The following TMEM178B variants were observed in gnomAD, a reference collection of about 807,000 sequenced individuals.
The protein encoded by TMEM178B is transmembrane protein 178B.
A neutral mutation model predicts 31.0 loss-of-function variants in TMEM178B; 5 were observed. The ratio of observed to expected loss-of-function variants is 0.16; its 90% confidence interval spans 0.08 to 0.34. The LOEUF is 0.34. Ranked by LOEUF, TMEM178B falls within the 10% of genes least tolerant of loss-of-function variation. The probability of loss-of-function intolerance (pLI) is 1.00; values close to 1 mark genes in which losing one functional copy is unlikely to be tolerated. For synonymous variants in TMEM178B, 164 were observed against 164.0 expected, an observed-to-expected ratio of 1.00 and a Z score of 0.00; for missense variants, 275 against 400.3, an observed-to-expected ratio of 0.69 and a Z score of 2.67.
chr7:141,366,435 C>G (rs1244381296), intron 2 of TMEM178B, among the ~76,000 whole-genome samples: 1 of 152,196 alleles, frequency 6.6e-6, no homozygotes, highest in East Asian at 1.9e-4. Flanking sequence ...ACTTGGTTGC[C>G]TGTTAGACCA....
At chr7:141,229,013 CTTTTTT>C (rs3035763) in intron 2 of TMEM178B, among the ~76,000 whole-genome samples, 2 of 80,552 alleles carry the variant, frequency 2.5e-5, no homozygotes, top group Non-Finnish European at 4.6e-5. Flanking sequence ...TCAGTACTAT[CTTTTTT>C]TTTTTTTTTT....
At chr7:141,376,486 T>G (rs1314415581) in intron 2 of TMEM178B, among the ~76,000 whole-genome samples, 1 of 152,210 alleles carries the variant, frequency 6.6e-6, no homozygotes, top group Non-Finnish European at 1.5e-5. Context: ...CAGCCTGATG[T>G]TATATGTCTT....
chr7:141,219,718 C>A (rs949491474), intron 2 of TMEM178B, among the ~76,000 whole-genome samples: 16 of 152,142 alleles, frequency 1.1e-4, no homozygotes, highest in Non-Finnish European at 2.4e-4. Flanking sequence ...ATTTATGCAC[C>A]AGGCCAGGCA....
chr7:141,386,581 A>T (rs1800434690), intron 2 of TMEM178B, among the ~76,000 whole-genome samples: 1 of 152,206 alleles, frequency 6.6e-6, no homozygotes, highest in Non-Finnish European at 1.5e-5. Flanking sequence ...TAGTGTATCC[A>T]TTACCTCAGG....
chr7:141,167,639 A>G (rs185674241), intron 1 of TMEM178B, among the ~76,000 whole-genome samples: 1 of 152,258 alleles, frequency 6.6e-6, no homozygotes, highest in East Asian at 1.9e-4. Flanking sequence ...CTTCCCTTCA[A>G]TCCCTTAAAA....
At chr7:141,159,544 A>G (rs1257019471) in intron 1 of TMEM178B, among the ~76,000 whole-genome samples, 3 of 152,228 alleles carry the variant, frequency 2.0e-5, no homozygotes, top group African/African-American at 7.2e-5. Context: ...AGGCGGAAGC[A>G]ACCCACGTGT....
intron 2 of TMEM178B, among the ~76,000 whole-genome samples, chr7:141,215,494 T>G (rs1419942838): frequency 6.6e-6 from 1 of 151,968 alleles, no homozygotes; most frequent in African/African-American, 2.4e-5. Flanking sequence ...CCCAGCTAAC[T>G]TCTGTATTTT....
intron 2 of TMEM178B, among the ~76,000 whole-genome samples, chr7:141,374,701 C>T (rs534356682): frequency 1.3e-5 from 2 of 152,342 alleles, no homozygotes; most frequent in East Asian, 1.9e-4. Flanking sequence ...CTTTCTCAAA[C>T]CTGCAACTTG....
In TMEM178B at chr7:141,074,290, G is replaced by C; in HGVS notation, c.-21G>C. Reference sequence around the variant, plus strand: ...GAGGCTGCGGCGGATCATGCCCATGGTGTAGCCGCCAAGCGGAGGCATGGC... The same window carrying C: ...GAGGCTGCGGCGGATCATGCCCATGCTGTAGCCGCCAAGCGGAGGCATGGC... On this transcript the variant is annotated 5_prime_UTR_variant, in exon 1 of 4. Coordinates refer to ENST00000565468, the MANE Select transcript of TMEM178B (RefSeq NM_001195278.2). The surrounding 1 kb of genome is among the most constrained non-coding windows in gnomAD (Gnocchi z 5.1). The C allele has an allele frequency of 6.6e-7, 1 of 1,505,780 alleles. No homozygotes were observed. The highest frequency in any genetic ancestry group is 8.9e-7 in the Non-Finnish European group (1 of 1,129,194). The allele number at this position is 1,505,780 out of a possible 1,614,324, so 93.3% of individuals were successfully genotyped here. A position where few individuals can be genotyped will look rare whatever the true frequency, so the allele number is the denominator to read the frequency against.
chr7:141,192,740 A>G (rs1490396010), intron 1 of TMEM178B, among the ~76,000 whole-genome samples: 2 of 152,196 alleles, frequency 1.3e-5, no homozygotes, highest in Admixed American at 6.5e-5. Context: ...TGCTGGGATT[A>G]CAGGCGTGAG....
At chr7:141,314,452 G>A (rs1311027709) in intron 2 of TMEM178B, among the ~76,000 whole-genome samples, 1 of 152,148 alleles carries the variant, frequency 6.6e-6, no homozygotes, top group African/African-American at 2.4e-5. Context: ...CATGTTTGTG[G>A]CCATGTGAGC....
chr7:141,500,173 C>G, the TMEM178B span, among the ~76,000 whole-genome samples: 4 of 152,072 alleles, frequency 2.6e-5, no homozygotes, highest in African/African-American at 9.7e-5. Context: ...ATTTATTGAC[C>G]ATCAATTATG....
At chr7:141,415,309 C>A (rs1230433631) in intron 2 of TMEM178B, 5 of 152,706 alleles carry the variant, frequency 3.3e-5, no homozygotes, top group Non-Finnish European at 7.3e-5. Flanking sequence ...GAAAGACAGA[C>A]TCTGGGGAGT....
intron 2 of TMEM178B, among the ~76,000 whole-genome samples, chr7:141,284,790 G>A (rs936864239): frequency 6.6e-6 from 1 of 152,136 alleles, no homozygotes; most frequent in African/African-American, 2.4e-5. Flanking sequence ...ACCGACCATT[G>A]GCCGTGAGGG....
At chr7:141,465,203 A>G (rs1345193757) in intron 3 of TMEM178B, among the ~76,000 whole-genome samples, 1 of 152,164 alleles carries the variant, frequency 6.6e-6, no homozygotes, top group Non-Finnish European at 1.5e-5. Flanking sequence ...TCTGAGTAGA[A>G]GCCCCCTCAT....
chr7:141,439,402 T>C (rs1801615520), intron 3 of TMEM178B, among the ~76,000 whole-genome samples: 1 of 152,006 alleles, frequency 6.6e-6, no homozygotes, highest in Admixed American at 6.6e-5. Context: ...CACTCCTCCT[T>C]CTGGTCTCCC....
rs952748760 is a variant in TMEM178B, at chr7:141,470,891, G to C, written c.*105G>C. The stretch of plus-strand genomic sequence containing the variant: ...AAGACGATGCCAGTGCCAAGGTAGA[G>C]TTGAGTTGGCTCAGGCACCTGCATC... On this transcript the variant is annotated 3_prime_UTR_variant, in exon 4 of 4. Coordinates refer to ENST00000565468, the MANE Select transcript of TMEM178B (RefSeq NM_001195278.2). The C allele has an allele frequency of 2.1e-5, 15 of 721,604 alleles. No homozygotes were observed. Among genetic ancestry groups the C allele is most frequent in the Non-Finnish European group, 2.6e-5 (15 of 573,666 alleles). 44.7% of individuals were successfully genotyped at this position (721,604 alleles called of 1,614,324 possible). A position where few individuals can be genotyped will look rare whatever the true frequency, so the allele number is the denominator to read the frequency against.
chr7:141,450,313 G>T (rs565193071), intron 3 of TMEM178B, among the ~76,000 whole-genome samples: 5 of 152,330 alleles, frequency 3.3e-5, no homozygotes, highest in African/African-American at 1.2e-4. Context: ...CATGAAGTGG[G>T]CAACCAGTTG....
In TMEM178B at chr7:141,467,359, T is replaced by G. The variant is rs149921590; in HGVS notation, c.635-3177T>G. 5.2e-3 allele frequency among the ~76,000 whole-genome samples: 796 copies of G among 152,200 alleles called. 1 individual carries two copies. Among genetic ancestry groups the G allele is most frequent in the Non-Finnish European group, 8.7e-3 (592 of 68,016 alleles). On this transcript the variant is annotated intron_variant, in intron 3 of 3. Coordinates refer to ENST00000565468, the MANE Select transcript of TMEM178B (RefSeq NM_001195278.2). ...CACACACATCACACACATGCACAAA[T>G]GCATCCACACACATGCACAAATACA...
Sources: allele counts gnomAD v4.1 joint callset (sites outside exome capture counted in the v4.1 genomes callset), GRCh38; gene constraint gnomAD v4.1.1; non-coding constraint Gnocchi (gnomAD v3.1); transcripts MANE v1.5; gene names NCBI Gene and HGNC (gene_info 2026-07-23, HGNC 2026-07-21).